Variants in HAT1 observed in about 807,000 individuals in gnomAD.
HAT1 encodes the protein histone acetyltransferase 1.
In HAT1, 20 loss-of-function variants were observed where a neutral mutation model predicts 56.6. The ratio of observed to expected loss-of-function variants is 0.35; its 90% CI spans 0.25 to 0.51. The LOEUF (loss-of-function observed/expected upper bound fraction) is 0.51. Among genes scored for constraint, HAT1 ranks in the 20% least tolerant of loss-of-function variants. The probability of loss-of-function intolerance (pLI) is 0.95; values close to 1 mark genes in which losing one functional copy is unlikely to be tolerated. For synonymous variants in HAT1, 146 were observed against 165.5 expected (o/e 0.88, Z 0.91); for missense variants, 408 against 504.3 (o/e 0.81, Z 1.83).
At chr2:171,934,347 G>C (rs1345645970) in intron 2 of HAT1, among the ~76,000 whole-genome samples, 2 of 152,134 alleles carry the variant, frequency 1.3e-5, no homozygotes, top group Admixed American at 6.6e-5. Context: ...AATGTAAGAG[G>C]GGTAAGTATT....
chr2:171,927,355 C>T (rs991302745), intron 2 of HAT1, among the ~76,000 whole-genome samples: 6 of 152,178 alleles, frequency 3.9e-5, no homozygotes, highest in Admixed American at 1.3e-4. Flanking sequence ...AGTTAAATAT[C>T]AGTAAAGTGT....
intron 2 of HAT1, among the ~76,000 whole-genome samples, 155 bp from the exon 3 acceptor site, chr2:171,946,553 G>A (rs1687169249): frequency 6.6e-6 from 1 of 152,206 alleles, no homozygotes; most frequent in Admixed American, 6.5e-5. Context: ...TGAGAATACA[G>A]TGTAAATAAA....
chr2:171,982,805 AATG>A (rs1433372724), intron 10 of HAT1, among the ~76,000 whole-genome samples: 1 of 152,174 alleles, frequency 6.6e-6, no homozygotes. Context: ...TGAATAGTAA[AATG>A]AAGAATAATA....
intron 2 of HAT1, among the ~76,000 whole-genome samples, chr2:171,933,112 C>T (rs745640384): frequency 2.6e-5 from 4 of 151,998 alleles, no homozygotes; most frequent in Admixed American, 2.0e-4. Flanking sequence ...GGCTGGAGTG[C>T]AGTGGTGTGA....
chr2:171,959,647 A>G (rs1206098675), intron 4 of HAT1, among the ~76,000 whole-genome samples: 1 of 152,164 alleles, frequency 6.6e-6, no homozygotes, highest in Non-Finnish European at 1.5e-5. Flanking sequence ...GGTAGGGGAT[A>G]TGTGGGTCAT....
chr2:171,977,557 A>ATATATATAATTT (rs1271452199), intron 9 of HAT1, among the ~76,000 whole-genome samples: 5 of 16,364 alleles, frequency 3.1e-4, no homozygotes, highest in African/African-American at 1.1e-3. Flanking sequence ...ATATATATAT[A>ATATATATAATTT]TTTTTTTTTT....
At chr2:171,959,149 G>A (rs1048865815) in intron 4 of HAT1, among the ~76,000 whole-genome samples, 2 of 152,218 alleles carry the variant, frequency 1.3e-5, no homozygotes, top group African/African-American at 4.8e-5. Context: ...GAGTAATACT[G>A]TAGTGGTTTG....
intron 2 of HAT1, among the ~76,000 whole-genome samples, chr2:171,942,898 C>T (rs2105315779): frequency 6.6e-6 from 1 of 152,222 alleles, no homozygotes; most frequent in Non-Finnish European, 1.5e-5. Context: ...ACTTTTCTTA[C>T]TCATTACTTG....
At chr2:171,977,557 A>ATATATATATATT (rs1271452199) in intron 9 of HAT1, among the ~76,000 whole-genome samples, 1 of 16,348 alleles carries the variant, frequency 6.1e-5, no homozygotes, top group African/African-American at 2.2e-4. Flanking sequence ...ATATATATAT[A>ATATATATATATT]TTTTTTTTTT....
intron 4 of HAT1, among the ~76,000 whole-genome samples, chr2:171,963,493 T>A (rs1180885195): frequency 6.6e-6 from 1 of 152,178 alleles, no homozygotes; most frequent in Non-Finnish European, 1.5e-5. Flanking sequence ...GTAAAGTGAT[T>A]TGCAATGCCT....
chr2:171,982,858 T>C (rs1688166337), intron 10 of HAT1, among the ~76,000 whole-genome samples: 1 of 152,198 alleles, frequency 6.6e-6, no homozygotes, highest in African/African-American at 2.4e-5. Context: ...TAATGTCTTC[T>C]ATCTATTAAG....
At chr2:171,931,012 A>G (rs1686732869) in intron 2 of HAT1, among the ~76,000 whole-genome samples, 1 of 152,116 alleles carries the variant, frequency 6.6e-6, no homozygotes, top group South Asian at 2.1e-4. Flanking sequence ...TGCCTTATAC[A>G]GTTGTCCATT....
At chr2:171,938,024 TTCTCTCTCTCTCTCTCTCTCTC>T (rs374402453) in intron 2 of HAT1, among the ~76,000 whole-genome samples, 19 of 104,846 alleles carry the variant, frequency 1.8e-4, no homozygotes, top group Admixed American at 4.5e-4. Context: ...TGTCTACTGA[TTCTCTCTCTCTCTCTCTCTCTC>T]TCTCTCTCTC....
chr2:171,932,057 C>CT (rs1317901385), intron 2 of HAT1, among the ~76,000 whole-genome samples: 1 of 152,102 alleles, frequency 6.6e-6, no homozygotes, highest in Non-Finnish European at 1.5e-5. Flanking sequence ...AATGCTTTTT[C>CT]TTTATCAAGA....
intron 2 of HAT1, among the ~76,000 whole-genome samples, chr2:171,931,179 C>T (rs535144443): frequency 6.7e-6 from 1 of 149,296 alleles, no homozygotes; most frequent in African/African-American, 2.5e-5. Context: ...TTGCTTGAGC[C>T]CAGGAGTTTG....
intron 8 of HAT1, among the ~76,000 whole-genome samples, chr2:171,970,923 G>A (rs367581341): frequency 6.6e-6 from 1 of 151,952 alleles, no homozygotes; most frequent in East Asian, 2.0e-4. Context: ...AAATGTGGCC[G>A]GGTGCCATGG....
chr2:171,936,008 A>G (rs1466483069), intron 2 of HAT1, among the ~76,000 whole-genome samples: 1 of 152,238 alleles, frequency 6.6e-6, no homozygotes, highest in Non-Finnish European at 1.5e-5. Context: ...ATAATGATAA[A>G]TAAAGGCTAG....
At position 171,982,847 on chromosome 2, in the gene HAT1, C is replaced by T. The variant is rs1041357845; in HGVS notation, c.1093-338C>T. On this transcript the variant is annotated intron_variant, in intron 10 of 10. Coordinates refer to ENST00000264108, the MANE Select transcript of HAT1 (RefSeq NM_003642.4). ...CTTAATCTCAGTTGTCTTTCTTCAG[C>T]TAATGTCTTCTATCTATTAAGCAAA... 3.6e-4 allele frequency among the ~76,000 whole-genome samples: 54 copies of T among 152,078 alleles called. 1 individual carries two copies. Among genetic ancestry groups the T allele is most frequent in the African/African-American group, 1.3e-3 (53 of 41,386 alleles).
intron 10 of HAT1, 177 bp downstream of exon 10, chr2:171,979,540 G>A (rs1574071405): frequency 2.0e-6 from 1 of 493,330 alleles, no homozygotes; most frequent in East Asian, 3.8e-5. Context: ...GGGCGTGGTG[G>A]CCCACACCTG....
Sources: gnomAD v4.1 joint callset for allele counts (sites outside exome capture counted in the v4.1 genomes callset) on GRCh38, gnomAD v4.1.1 for gene constraint, MANE v1.5 for transcripts, NCBI Gene and HGNC (gene_info 2026-07-23, HGNC 2026-07-21) for gene names.